Variants in CAST observed in about 807,000 individuals in gnomAD.
The protein encoded by CAST is MIR583 host.
In CAST, 76 loss-of-function variants were observed where a neutral mutation model predicts 119.6. The ratio of observed to expected loss-of-function variants is 0.64; its 90% confidence interval spans 0.53 to 0.77. The LOEUF (loss-of-function observed/expected upper bound fraction) is 0.77, where lower values mean the gene tolerates loss of function less well. Among genes scored for constraint, CAST ranks in the 30% least tolerant of loss-of-function variants. CAST has a pLI of 0.00. For synonymous variants in CAST, 319 were observed against 331.6 expected (o/e 0.96, Z 0.41); for missense variants, 953 against 946.5 (o/e 1.01, Z -0.09).
At chr5:96,344,817 G>T in the CAST span, among the ~76,000 whole-genome samples, 27 of 152,232 alleles carry the variant, frequency 1.8e-4, no homozygotes, top group African/African-American at 6.0e-4. Flanking sequence ...AATTCCCCAG[G>T]CTGAATTATA....
chr5:96,013,272 TATAA>T, the CAST span, among the ~76,000 whole-genome samples: 2 of 151,446 alleles, frequency 1.3e-5, no homozygotes, highest in Non-Finnish European at 2.9e-5. Context: ...ATTGCTCACA[TATAA>T]ATAGACATAC....
At chr5:96,008,467 T>G in the CAST span, among the ~76,000 whole-genome samples, 1,190 of 152,350 alleles carry the variant, frequency 7.8e-3, 4 homozygotes, top group Non-Finnish European at 0.013. Context: ...TCATTTTTTC[T>G]TTTTTCTGGT....
the CAST span, among the ~76,000 whole-genome samples, chr5:96,461,376 G>A: frequency 1.3e-5 from 2 of 152,026 alleles, no homozygotes; most frequent in African/African-American, 2.4e-5. Flanking sequence ...GGTATATAAC[G>A]GTAGAATTGT....
the CAST span, among the ~76,000 whole-genome samples, chr5:96,306,098 G>C: frequency 2.7e-4 from 41 of 152,138 alleles, 1 homozygote; most frequent in Admixed American, 2.7e-3. Flanking sequence ...TGGTTGGTGG[G>C]CTATTAATTG....
the CAST span, among the ~76,000 whole-genome samples, chr5:96,387,684 T>C: frequency 6.6e-6 from 1 of 152,172 alleles, no homozygotes; most frequent in Non-Finnish European, 1.5e-5. Flanking sequence ...CTGGAAATTA[T>C]GCATGATATG....
At chr5:96,108,981 G>A in the CAST span, among the ~76,000 whole-genome samples, 1,666 of 152,338 alleles carry the variant, frequency 0.011, 36 homozygotes, top group African/African-American at 0.038. Context: ...GGAGTGACCC[G>A]ATTTTCCAGG....
the CAST span, among the ~76,000 whole-genome samples, chr5:96,327,578 C>A: frequency 1.3e-5 from 2 of 152,188 alleles, no homozygotes; most frequent in Admixed American, 6.5e-5. Context: ...CCCCAACACT[C>A]AGTGGAATAA....
chr5:96,480,452 T>C, the CAST span, among the ~76,000 whole-genome samples: 1 of 152,222 alleles, frequency 6.6e-6, no homozygotes, highest in African/African-American at 2.4e-5. Context: ...CTGCCATATA[T>C]TGAAGTAGAT....
chr5:96,414,997 G>C, the CAST span, among the ~76,000 whole-genome samples: 1 of 152,120 alleles, frequency 6.6e-6, no homozygotes, highest in Non-Finnish European at 1.5e-5. Context: ...GAGTTTAATG[G>C]GGTTTTATTG....
the CAST span, chr5:96,248,156 T>C: frequency 1.3e-5 from 2 of 152,278 alleles, no homozygotes; most frequent in African/African-American, 4.8e-5. Flanking sequence ...TCCCCTTTAG[T>C]TATTTCTACA....
chr5:96,584,500 G>A (rs1746822725), intron 1 of CAST: 1 of 152,308 alleles, frequency 6.6e-6, no homozygotes, highest in South Asian at 2.1e-4. Flanking sequence ...AGCAAAGTAG[G>A]AAAGAATTTA....
At chr5:96,496,106 C>T in the CAST span, among the ~76,000 whole-genome samples, 2 of 151,978 alleles carry the variant, frequency 1.3e-5, no homozygotes, top group Non-Finnish European at 2.9e-5. Context: ...AATCTTATGT[C>T]TATAAAGTAA....
the CAST span, among the ~76,000 whole-genome samples, chr5:96,350,747 C>T: frequency 6.6e-6 from 1 of 152,178 alleles, no homozygotes; most frequent in South Asian, 2.1e-4. Context: ...CCATGTGCCC[C>T]CAAATATCTT....
chr5:96,425,827 C>T, the CAST span: 5 of 1,564,580 alleles, frequency 3.2e-6, no homozygotes, highest in Non-Finnish European at 4.4e-6. Flanking sequence ...TACCAAGTAC[C>T]ATTGCTGATT....
the CAST span, among the ~76,000 whole-genome samples, chr5:96,311,046 T>C: frequency 0.023 from 3,514 of 152,162 alleles, 156 homozygotes; most frequent in African/African-American, 0.081. Flanking sequence ...CTTTCTTCTT[T>C]TATGATGTAG....
At chr5:96,515,304 T>C in the CAST span, among the ~76,000 whole-genome samples, 3 of 36,458 alleles carry the variant, frequency 8.2e-5, no homozygotes, top group Non-Finnish European at 1.2e-4. Flanking sequence ...CCCACAATGT[T>C]TGATTGTTTG....
At chr5:96,213,029 G>C in the CAST span, among the ~76,000 whole-genome samples, 7 of 152,132 alleles carry the variant, frequency 4.6e-5, no homozygotes, top group African/African-American at 1.7e-4. Context: ...TGAGGCAGGA[G>C]GATTGCTTCA....
intron 1 of CAST, among the ~76,000 whole-genome samples, chr5:96,531,221 G>A (rs71630738): frequency 0.011 from 1,688 of 152,310 alleles, 27 homozygotes; most frequent in African/African-American, 0.039. Context: ...GTGTGACAGA[G>A]GAGGCCACAG....
chr5:96,491,305 G>A, the CAST span, among the ~76,000 whole-genome samples: 2 of 143,584 alleles, frequency 1.4e-5, no homozygotes, highest in Admixed American at 1.4e-4. Context: ...CTAACACGGT[G>A]AAACCCCATC....
Sources: gnomAD v4.1 joint callset for allele counts (sites outside exome capture counted in the v4.1 genomes callset) on GRCh38, gnomAD v4.1.1 for gene constraint, MANE v1.5 for transcripts, NCBI Gene and HGNC (gene_info 2026-07-23, HGNC 2026-07-21) for gene names.